LAMC1: variants seen among roughly 807,000 people sequenced by gnomAD.
LAMC1 encodes laminin subunit gamma-1.
A neutral mutation model predicts 173.6 loss-of-function variants in LAMC1; 38 were observed. The observed-to-expected ratio is 0.22, with a 90% CI of 0.17 to 0.29. The LOEUF (loss-of-function observed/expected upper bound fraction) is 0.29. LAMC1 is among the 10% of genes least tolerant of loss of function. LAMC1 has a pLI of 1.00. For synonymous variants in LAMC1, 746 were observed against 749.1 expected (o/e 1.00, Z 0.07); for missense variants, 1,824 against 2,051.8 (o/e 0.89, Z 2.14).
rs186066525 is a variant in LAMC1 at position 183,067,286 on chromosome 1, C to G, written c.419-36042C>G. Reference sequence around the variant, plus strand: ...AAAATCTTTCATCTGTACAATTTTTCAGTTTTGTTTAGAATTCTTTTTTTG... The same window carrying G: ...AAAATCTTTCATCTGTACAATTTTTGAGTTTTGTTTAGAATTCTTTTTTTG... On this transcript the variant is annotated intron_variant, in intron 1 of 27. Coordinates refer to ENST00000258341, the MANE Select transcript of LAMC1 (RefSeq NM_002293.4). Among the ~76,000 whole-genome samples the G allele has an allele frequency of 4.5e-4, 69 of 151,920 alleles. 1 individual carries two copies. The East Asian group carries it at 7.9e-3, about 17-fold the overall frequency.
chr1:183,121,140 C>T (rs780088804), intron 11 of LAMC1, among the ~76,000 whole-genome samples: 10 of 151,996 alleles, frequency 6.6e-5, no homozygotes, highest in Admixed American at 1.3e-4. Flanking sequence ...TAGTTTGGGC[C>T]GGGCATGGTG....
At chr1:183,104,621 T>C (rs1358872848) in intron 2 of LAMC1, among the ~76,000 whole-genome samples, 1 of 152,232 alleles carries the variant, frequency 6.6e-6, no homozygotes, top group East Asian at 1.9e-4. Context: ...GGGTTTCTAA[T>C]TTGGATCTTC....
rs191437071 is a variant in LAMC1, at chr1:183,037,757, A to G, written c.418+13623A>G. ...AGATACCTTAATTTTTTTTGGCTTT[A>G]TTTTTGAAGAAAGGGATCATCGTTC... On this transcript the variant is annotated intron_variant, in intron 1 of 27. Coordinates refer to ENST00000258341, the MANE Select transcript of LAMC1 (RefSeq NM_002293.4). 7.6e-4 allele frequency among the ~76,000 whole-genome samples: 115 copies of G among 151,912 alleles called. 1 individual carries two copies. Among genetic ancestry groups the G allele is most frequent in the African/African-American group, 2.4e-3 (101 of 41,408 alleles).
At chr1:183,038,860 G>A (rs1200651941) in intron 1 of LAMC1, among the ~76,000 whole-genome samples, 1 of 151,808 alleles carries the variant, frequency 6.6e-6, no homozygotes, top group African/African-American at 2.4e-5. Context: ...AGACATCCGT[G>A]GACTCTGAAA....
At chr1:183,098,068 A>T (rs1474269217) in intron 1 of LAMC1, among the ~76,000 whole-genome samples, 1 of 152,182 alleles carries the variant, frequency 6.6e-6, no homozygotes, top group East Asian at 1.9e-4. Context: ...TTAAAGCCAT[A>T]CTGTCTACTT....
At chr1:183,092,075 T>C (rs921699217) in intron 1 of LAMC1, among the ~76,000 whole-genome samples, 6 of 152,210 alleles carry the variant, frequency 3.9e-5, no homozygotes, top group Non-Finnish European at 7.3e-5. Flanking sequence ...CAGTCACCCC[T>C]AGACTTGGAT....
At position 183,030,086 on chromosome 1, in the gene LAMC1, CAT is replaced by C. The variant is rs1180551655; in HGVS notation, c.418+5953_418+5954del. 1.3e-3 allele frequency among the ~76,000 whole-genome samples: 195 copies of C among 152,324 alleles called. 2 individuals are homozygous for C. Among genetic ancestry groups the C allele is most frequent in the East Asian group, 3.9e-4 (2 of 5,188 alleles). ...AAATCAGAAGAATAATATTTTGTGA[CAT>C]GTGAAAATTTCATGAAATTCAAATT... On this transcript the variant is annotated intron_variant, in intron 1 of 27. Coordinates refer to ENST00000258341, the MANE Select transcript of LAMC1 (RefSeq NM_002293.4).
Position 183,094,093 on chromosome 1 carries a change from C to T in LAMC1, c.419-9235C>T, listed in dbSNP as rs533444734. ...CTCCATGTTGGCATTCCCTCCTCCT[C>T]TCAGCTTCTCTCACCTCATCTCCTA... On this transcript the variant is annotated intron_variant, in intron 1 of 27. Transcript: ENST00000258341. Among the ~76,000 whole-genome samples, 3 of 152,324 alleles carry T rather than the reference C, an allele frequency of 2.0e-5. No homozygotes were observed. In the South Asian group the frequency reaches 6.2e-4, roughly 32 times the overall value.
chr1:183,047,864 C>T lies in LAMC1; in HGVS notation c.418+23730C>T, dbSNP rs140203357. Among the ~76,000 whole-genome samples, 218 of 152,316 alleles carry T rather than the reference C, an allele frequency of 1.4e-3. 1 individual carries two copies. Among genetic ancestry groups the T allele is most frequent in the African/African-American group, 5.0e-3 (209 of 41,566 alleles). The stretch of plus-strand genomic sequence containing the variant: ...AGCCTAGAACATAACTTTGTCTTTA[C>T]ACATAAACAGTTTTTTTCATAACTT... On this transcript the variant is annotated intron_variant, in intron 1 of 27. Coordinates refer to ENST00000258341, the MANE Select transcript of LAMC1 (RefSeq NM_002293.4).
In LAMC1 at chr1:183,125,538, A is replaced by G; in HGVS notation, c.2789A>G (p.Gln930Arg). 2 of 1,599,542 alleles carry G rather than the reference A, an allele frequency of 1.3e-6. No individual in the cohort carries two copies. The highest frequency in any genetic ancestry group is 8.5e-7 in the Non-Finnish European group (1 of 1,172,954). ...DPGFYNLQSG[Q>R]GCERCDCHAL... ...GGATTCTACAATCTGCAGAGTGGGC[A>G]AGGCTGTGAGAGGTGAGACATAGGT... Residue 930 changes from glutamine (Q) to arginine (R), a missense_variant, in exon 15 of 28, where the codon CAA (glutamine) becomes CGA (arginine). Gln to Arg is a conservative substitution (Grantham distance 43). Coordinates refer to ENST00000258341, the MANE Select transcript of LAMC1 (RefSeq NM_002293.4).
chr1:183,144,505 A>G lies in LAMC1; in HGVS notation c.*1715A>G, dbSNP rs989008333. The G allele has an allele frequency of 2.6e-5, 4 of 152,348 alleles. No homozygotes were observed. Among genetic ancestry groups the G allele is most frequent in the Non-Finnish European group, 5.9e-5 (4 of 68,034 alleles). The allele number at this position is 152,348 out of a possible 1,614,324, so 9.4% of individuals were successfully genotyped here. A position where few individuals can be genotyped will look rare whatever the true frequency, so the allele number is the denominator to read the frequency against. ...GTTTGCAGCATCTCCATTCTCTAAA[A>G]TTAATATAATTGCTTTCCTCCACAC... On this transcript the variant is annotated 3_prime_UTR_variant, in exon 28 of 28. Transcript: ENST00000258341.
chr1:183,077,776 G>GTGTGTGTGTGTATATA lies in LAMC1; in HGVS notation c.419-25551_419-25550insGTGTGTGTGTATATAT. Among the ~76,000 whole-genome samples, 27 of 116,534 alleles carry GTGTGTGTGTGTATATA rather than the reference G, an allele frequency of 2.3e-4. 2 individuals carry two copies. The highest frequency in any genetic ancestry group is 1.1e-3 in the East Asian group (4 of 3,718). The allele number at this position is 116,534 out of a possible 152,430, so 76.5% of individuals were successfully genotyped here. ...TGAATAGTATTTTTATGGCCATTGT[G>GTGTGTGTGTGTATATA]TATATATATATATATATATACAGTA... On this transcript the variant is annotated intron_variant, in intron 1 of 27. Transcript: ENST00000258341.
intron 1 of LAMC1, among the ~76,000 whole-genome samples, chr1:183,049,253 A>C (rs1395678645): frequency 6.6e-6 from 1 of 152,138 alleles, no homozygotes; most frequent in Non-Finnish European, 1.5e-5. Context: ...GGTGTAGAGA[A>C]GACATACAGA....
At chr1:183,123,709 G>C (rs1656543592) in intron 13 of LAMC1, among the ~76,000 whole-genome samples, 1 of 152,070 alleles carries the variant, frequency 6.6e-6, no homozygotes, top group African/African-American at 2.4e-5. Flanking sequence ...AAGTAATCTT[G>C]TTTATTTGTA....
intron 1 of LAMC1, among the ~76,000 whole-genome samples, chr1:183,052,374 G>A (rs913158980): frequency 4.0e-5 from 6 of 151,546 alleles, no homozygotes; most frequent in African/African-American, 1.5e-4. Flanking sequence ...TCACTCTGTC[G>A]CCCAGGCTGA....
At position 183,081,236 on chromosome 1, in the gene LAMC1, A is replaced by G. The variant is rs978439479; in HGVS notation, c.419-22092A>G. On this transcript the variant is annotated intron_variant, in intron 1 of 27. Transcript: ENST00000258341. ...GAATGTAAACTGCCTTTGAAAGCCT[A>G]TAACACAGTTCAGTTGGCTTCTAAA... 9.9e-5 allele frequency among the ~76,000 whole-genome samples: 15 copies of G among 152,184 alleles called. No individual in the cohort carries two copies. The East Asian group carries it at 2.3e-3, about 23-fold the overall frequency.
chr1:183,080,815 T>G (rs1376198162), intron 1 of LAMC1, among the ~76,000 whole-genome samples: 1 of 152,168 alleles, frequency 6.6e-6, no homozygotes, highest in Non-Finnish European at 1.5e-5. Context: ...GCTTTGCTGA[T>G]TTGGACCTAA....
intron 1 of LAMC1, among the ~76,000 whole-genome samples, chr1:183,029,076 A>G (rs941245999): frequency 2.0e-5 from 3 of 152,198 alleles, no homozygotes; most frequent in Non-Finnish European, 4.4e-5. Flanking sequence ...TGAAAGAACC[A>G]TGCTTGACAG....
At chr1:183,116,963 T>C (rs1356667823) in intron 8 of LAMC1, 60 bp downstream of exon 8, 2 of 1,506,392 alleles carry the variant, frequency 1.3e-6, no homozygotes, top group African/African-American at 2.8e-5. Flanking sequence ...AAAATATTTT[T>C]AAAAATAAAA....
Sources: gnomAD v4.1 joint callset for allele counts (sites outside exome capture counted in the v4.1 genomes callset) on GRCh38, gnomAD v4.1.1 for gene constraint, MANE v1.5 for transcripts, NCBI Gene and HGNC (gene_info 2026-07-23, HGNC 2026-07-21) for gene names.